The following ACBD6 variants were observed in gnomAD, a reference collection of about 807,000 sequenced individuals.
ACBD6 encodes the protein acyl-CoA binding domain containing 6.
In ACBD6, 28 loss-of-function variants were observed where a neutral mutation model predicts 37.2. That is an observed-to-expected ratio of 0.75 (90% CI 0.56 to 1.03). The LOEUF is 1.03. ACBD6 is among the 50% of genes least tolerant of loss of function. The pLI is 0.00. For synonymous variants in ACBD6, 113 were observed against 126.8 expected, an observed-to-expected ratio of 0.89 and a Z score of 0.73; for missense variants, 340 against 337.4, an observed-to-expected ratio of 1.01 and a Z score of -0.06.
At chr1:180,276,633 G>C (rs1488629093) in intron 9 of ACBD6, 2 of 152,222 alleles carry the variant, frequency 1.3e-5, no homozygotes, top group Non-Finnish European at 2.9e-5. Context: ...CTTTTTGGAG[G>C]ATGGCTTTTT....
chr1:180,413,274 A>G (rs1647934397), intron 5 of ACBD6, 92 bp downstream of exon 5: 2 of 899,338 alleles, frequency 2.2e-6, no homozygotes, highest in South Asian at 2.6e-5. Flanking sequence ...CTGTACTTTG[A>G]GTTGTAGTTC....
intron 4 of ACBD6, among the ~76,000 whole-genome samples, chr1:180,422,946 G>A (rs781441531): frequency 6.6e-6 from 1 of 152,134 alleles, no homozygotes; most frequent in Admixed American, 6.5e-5. Flanking sequence ...ATGCAGTTAT[G>A]ATTTAATACT....
At chr1:180,271,319 G>A in exon 14 of ACBD6, 2 of 1,585,014 alleles carry the variant, frequency 1.3e-6, no homozygotes, top group Non-Finnish European at 1.7e-6. Context: ...GGGAGGGTGT[G>A]GGAGGAGGCG....
intron 3 of ACBD6, among the ~76,000 whole-genome samples, chr1:180,491,448 C>T (rs1239305643): frequency 1.3e-5 from 2 of 152,166 alleles, no homozygotes; most frequent in East Asian, 3.8e-4. Flanking sequence ...ATATCCAATG[C>T]TTCCAAAGTC....
chr1:180,441,771 C>T (rs191566213), intron 3 of ACBD6, among the ~76,000 whole-genome samples: 5 of 152,232 alleles, frequency 3.3e-5, no homozygotes, highest in East Asian at 3.9e-4. Context: ...CTAACTCTAG[C>T]GGTGTCTTTG....
In ACBD6 at chr1:180,288,288, A is replaced by C; in HGVS notation, c.*75T>G. 6.3e-7 allele frequency: 1 copy of C among 1,597,396 alleles called. No homozygotes were observed. The highest frequency in any genetic ancestry group is 8.6e-7 in the Non-Finnish European group (1 of 1,168,424). ...TACATACCAAAGACGGGTGGAAAAG[A>C]AGTATTATTTTTGTAGTTTTCTTTC... On this transcript the variant is annotated 3_prime_UTR_variant, in exon 8 of 8. Coordinates refer to ENST00000367595, the MANE Select transcript of ACBD6 (RefSeq NM_032360.4).
At chr1:180,372,856 C>T (rs532936012) in intron 6 of ACBD6, among the ~76,000 whole-genome samples, 2 of 152,310 alleles carry the variant, frequency 1.3e-5, no homozygotes, top group South Asian at 4.2e-4. Context: ...AGACCTCTGG[C>T]CAGTGTCAGA....
intron 3 of ACBD6, among the ~76,000 whole-genome samples, chr1:180,451,205 C>G (rs1373150963): frequency 6.6e-6 from 1 of 152,138 alleles, no homozygotes; most frequent in Non-Finnish European, 1.5e-5. Flanking sequence ...CAACAAGATA[C>G]CATTTCAGAC....
rs534561065 is a variant in ACBD6, at chr1:180,409,112, T to C, written c.573+4254A>G. Among the ~76,000 whole-genome samples the C allele has an allele frequency of 3.1e-3, 472 of 152,072 alleles. 2 individuals carry two copies. The highest frequency in any genetic ancestry group is 4.6e-3 in the Non-Finnish European group (316 of 67,994). ...CAGAGGCTACAGTGAGCCCTGATCA[T>C]GCCACTGCACTCCAGCCTGAGAATC... is the stretch of plus-strand genomic sequence containing the variant. On this transcript the variant is annotated intron_variant, in intron 5 of 7. Coordinates refer to ENST00000367595, the MANE Select transcript of ACBD6 (RefSeq NM_032360.4).
chr1:180,440,792 G>A (rs889213152), intron 3 of ACBD6, among the ~76,000 whole-genome samples: 6 of 152,146 alleles, frequency 3.9e-5, no homozygotes, highest in Non-Finnish European at 8.8e-5. Flanking sequence ...CATATAAATT[G>A]AATCATACAC....
chr1:180,419,801 T>A (rs2101982473), intron 4 of ACBD6, among the ~76,000 whole-genome samples: 1 of 152,332 alleles, frequency 6.6e-6, no homozygotes, highest in East Asian at 1.9e-4. Context: ...CACCCTGTTG[T>A]CTTCACAGGC....
chr1:180,351,739 C>T (rs936787705), intron 6 of ACBD6, among the ~76,000 whole-genome samples: 4 of 152,000 alleles, frequency 2.6e-5, no homozygotes, highest in African/African-American at 4.8e-5. Context: ...AAATGGTGCA[C>T]CTGCTGTGAA....
intron 6 of ACBD6, among the ~76,000 whole-genome samples, chr1:180,334,231 T>C (rs1026598080): frequency 6.6e-6 from 1 of 152,224 alleles, no homozygotes; most frequent in Admixed American, 6.5e-5. Context: ...AGTGGGTCCC[T>C]GACCCTCGAG....
At chr1:180,275,160 T>C (rs1240489269) in exon 10 of ACBD6, 1 of 152,290 alleles carries the variant, frequency 6.6e-6, no homozygotes, top group Admixed American at 6.5e-5. Flanking sequence ...TTTTTATTTT[T>C]GCTGTGAAGA....
intron 6 of ACBD6, among the ~76,000 whole-genome samples, chr1:180,376,372 T>G (rs973728024): frequency 6.6e-6 from 1 of 152,192 alleles, no homozygotes; most frequent in African/African-American, 2.4e-5. Context: ...AAAATACATA[T>G]GTACAAGGTT....
At chr1:180,276,323 T>G (rs1224826982) in intron 9 of ACBD6, 1 of 132,550 alleles carries the variant, frequency 7.5e-6, no homozygotes, top group Non-Finnish European at 1.6e-5. Context: ...TAAGCCCTTT[T>G]CCAGGACTAA....
At chr1:180,442,468 T>C (rs1237786293) in intron 3 of ACBD6, among the ~76,000 whole-genome samples, 1 of 152,220 alleles carries the variant, frequency 6.6e-6, no homozygotes, top group African/African-American at 2.4e-5. Context: ...AGAATATCAA[T>C]GGAGCAAAGA....
intron 7 of ACBD6, among the ~76,000 whole-genome samples, chr1:180,304,605 G>C (rs1417420622): frequency 6.6e-6 from 1 of 150,640 alleles, no homozygotes; most frequent in Non-Finnish European, 1.5e-5. Context: ...AATAAAAGAG[G>C]ATACAAACAA....
exon 14 of ACBD6, chr1:180,269,765 A>G (rs1648524361): frequency 6.6e-6 from 1 of 152,218 alleles, no homozygotes; most frequent in Non-Finnish European, 1.5e-5. Flanking sequence ...TAGACTATAA[A>G]TATGCACAGA....
Sources: allele counts gnomAD v4.1 joint callset (sites outside exome capture counted in the v4.1 genomes callset), GRCh38; gene constraint gnomAD v4.1.1; transcripts MANE v1.5; gene names NCBI Gene and HGNC (gene_info 2026-07-23, HGNC 2026-07-21).